The following ARMC2 variants were observed in gnomAD, a reference collection of about 807,000 sequenced individuals.
ARMC2 encodes armadillo repeat containing 2.
ARMC2 carries 67 observed loss-of-function variants against 90.3 expected under a neutral mutation model. The ratio of observed to expected loss-of-function variants is 0.74; its 90% CI spans 0.61 to 0.91. The LOEUF is 0.91. Among genes scored for constraint, ARMC2 ranks in the 40% least tolerant of loss-of-function variants. The probability of loss-of-function intolerance (pLI) is 0.00; values close to 1 mark genes in which losing one functional copy is unlikely to be tolerated. For synonymous variants in ARMC2, 393 were observed against 393.0 expected, an observed-to-expected ratio of 1.00 and a Z score of 0.00; for missense variants, 920 against 1,030.9, an observed-to-expected ratio of 0.89 and a Z score of 1.47.
intron 13 of ARMC2, among the ~76,000 whole-genome samples, chr6:108,960,299 C>A (rs759520618): frequency 4.6e-5 from 7 of 152,240 alleles, no homozygotes; most frequent in Non-Finnish European, 1.0e-4. Flanking sequence ...TCCGCCATCA[C>A]CCGTGTCCAC....
At chr6:108,916,328 A>G (rs1015394036) in intron 10 of ARMC2, among the ~76,000 whole-genome samples, 4 of 152,300 alleles carry the variant, frequency 2.6e-5, no homozygotes, top group Admixed American at 6.5e-5. Flanking sequence ...ATAGTATTCC[A>G]ATGCTTATTC....
intron 8 of ARMC2, chr6:108,907,891 G>C (rs142533733): frequency 6.3e-7 from 1 of 1,598,702 alleles, no homozygotes; most frequent in Admixed American, 1.7e-5. Flanking sequence ...CCTGGTGTCC[G>C]CTGTGTTCTT....
At chr6:108,851,406 G>T (rs186384958) in intron 1 of ARMC2, among the ~76,000 whole-genome samples, 53 of 152,232 alleles carry the variant, frequency 3.5e-4, no homozygotes, top group Non-Finnish European at 5.7e-4. Flanking sequence ...TTTTATTGCT[G>T]CCATCAGTTT....
chr6:108,945,002 C>T (rs1040874253), intron 12 of ARMC2, among the ~76,000 whole-genome samples: 2 of 152,136 alleles, frequency 1.3e-5, no homozygotes, highest in Admixed American at 6.6e-5. Flanking sequence ...AACAGCCTCT[C>T]GTTCGGCTTA....
At chr6:108,953,848 G>GT (rs1292221320) in intron 13 of ARMC2, among the ~76,000 whole-genome samples, 1 of 151,976 alleles carries the variant, frequency 6.6e-6, no homozygotes. Context: ...CATTCCCCTT[G>GT]TATTAGCTCA....
the ARMC2 span, among the ~76,000 whole-genome samples, chr6:108,991,968 T>C: frequency 1.3e-5 from 2 of 152,208 alleles, no homozygotes; most frequent in African/African-American, 2.4e-5. Context: ...ACAATACCCT[T>C]TTCACCATCC....
chr6:108,887,692 C>T (rs1770502712), intron 5 of ARMC2, among the ~76,000 whole-genome samples: 1 of 152,126 alleles, frequency 6.6e-6, no homozygotes, highest in Non-Finnish European at 1.5e-5. Context: ...TCATAAAGAA[C>T]AAAACAGTGC....
At chr6:108,964,360 A>G (rs902358438) in intron 16 of ARMC2, 48 bp downstream of exon 16, 4 of 1,587,080 alleles carry the variant, frequency 2.5e-6, no homozygotes, top group East Asian at 2.2e-5. Context: ...TTTGAAGGAC[A>G]TCATTTTCTT....
At chr6:108,874,326 C>G (rs769314781) in intron 4 of ARMC2, among the ~76,000 whole-genome samples, 1 of 152,204 alleles carries the variant, frequency 6.6e-6, no homozygotes, top group Non-Finnish European at 1.5e-5. Context: ...GACTTGTTCA[C>G]CATGGCTTCA....
At chr6:109,007,535 G>T in the ARMC2 span, among the ~76,000 whole-genome samples, 1 of 152,050 alleles carries the variant, frequency 6.6e-6, no homozygotes, top group Non-Finnish European at 1.5e-5. Context: ...AGCAGCATGT[G>T]TTTTTTGAAA....
the ARMC2 span, chr6:108,987,599 C>A: frequency 1.2e-6 from 2 of 1,603,402 alleles, no homozygotes; most frequent in Non-Finnish European, 1.7e-6. Flanking sequence ...TGCTTGCATC[C>A]TAGCTTCTAT....
At chr6:108,873,668 G>C (rs2128435227) in intron 4 of ARMC2, among the ~76,000 whole-genome samples, 1 of 152,336 alleles carries the variant, frequency 6.6e-6, no homozygotes. Context: ...CTGCCTGACT[G>C]TACTGGCAAT....
chr6:109,035,006 A>G, the ARMC2 span, among the ~76,000 whole-genome samples: 40 of 152,192 alleles, frequency 2.6e-4, no homozygotes, highest in Non-Finnish European at 3.2e-4. Flanking sequence ...CTGAATTTCA[A>G]TTTCACTTAT....
intron 4 of ARMC2, among the ~76,000 whole-genome samples, chr6:108,871,905 T>G (rs1380351550): frequency 6.6e-6 from 1 of 152,238 alleles, no homozygotes; most frequent in East Asian, 1.9e-4. Context: ...AGGTCATCCC[T>G]GAGGTCTGGG....
At chr6:108,966,226 T>C (rs1356944753) in intron 17 of ARMC2, among the ~76,000 whole-genome samples, 1 of 151,254 alleles carries the variant, frequency 6.6e-6, no homozygotes, top group Non-Finnish European at 1.5e-5. Flanking sequence ...AACAGACACC[T>C]TTCCTTTACA....
chr6:108,959,921 A>G (rs1777869650), intron 13 of ARMC2, among the ~76,000 whole-genome samples: 1 of 151,984 alleles, frequency 6.6e-6, no homozygotes, highest in Non-Finnish European at 1.5e-5. Flanking sequence ...CCTGACCTCA[A>G]GTGATCAGCC....
intron 12 of ARMC2, 70 bp from the exon 13 acceptor site, chr6:108,952,963 T>C: frequency 7.3e-7 from 1 of 1,361,290 alleles, no homozygotes. Context: ...ATAAATTAAA[T>C]ACTATCTTCT....
intron 15 of ARMC2, among the ~76,000 whole-genome samples, chr6:108,962,368 T>A (rs1484786749): frequency 6.6e-6 from 1 of 152,170 alleles, no homozygotes; most frequent in Non-Finnish European, 1.5e-5. Flanking sequence ...AAACAGTGAA[T>A]CTTGAGTAAT....
At chr6:109,022,900 T>A in the ARMC2 span, among the ~76,000 whole-genome samples, 1 of 152,186 alleles carries the variant, frequency 6.6e-6, no homozygotes, top group African/African-American at 2.4e-5. Flanking sequence ...TGCTGCCTGA[T>A]AATGTTTTAG....
Sources: allele counts gnomAD v4.1 joint callset (sites outside exome capture counted in the v4.1 genomes callset), GRCh38; gene constraint gnomAD v4.1.1; transcripts MANE v1.5; gene names NCBI Gene and HGNC (gene_info 2026-07-23, HGNC 2026-07-21).